The following GARIN5A variants were observed in gnomAD, a reference collection of about 807,000 sequenced individuals.
GARIN5A encodes golgi associated RAB2 interactor 5A, also known as Golgi-associated RAB2 interactor protein 5A.
chr19:50,473,420 G>C, the GARIN5A span, among the ~76,000 whole-genome samples: 1 of 151,964 alleles, frequency 6.6e-6, no homozygotes, highest in Non-Finnish European at 1.5e-5. Context: ...GCAGTGGTGT[G>C]ATCACAGTTC....
the GARIN5A span, chr19:50,476,734 G>C: frequency 2.1e-6 from 2 of 935,844 alleles, no homozygotes; most frequent in East Asian, 6.1e-5. Context: ...GTGAGTTACA[G>C]ACGGAAGGAG....
chr19:50,474,543 C>G, the GARIN5A span, among the ~76,000 whole-genome samples: 1 of 152,072 alleles, frequency 6.6e-6, no homozygotes, highest in Non-Finnish European at 1.5e-5. Context: ...GACGGGGTTT[C>G]ACTGTGTTAG....
chr19:50,472,136 ATGTATG>A, the GARIN5A span, among the ~76,000 whole-genome samples: 70 of 139,492 alleles, frequency 5.0e-4, no homozygotes, highest in African/African-American at 1.8e-3. Context: ...ACGTGTGTAT[ATGTATG>A]TATACGTGTG....
chr19:50,476,055 C>T, the GARIN5A span: 2 of 1,607,056 alleles, frequency 1.2e-6, no homozygotes, highest in Non-Finnish European at 1.7e-6. Flanking sequence ...ATCAGATGCC[C>T]CCGAATTGCC....
At chr19:50,475,768 C>G in the GARIN5A span, 1 of 1,204,390 alleles carries the variant, frequency 8.3e-7, no homozygotes, top group Non-Finnish European at 1.2e-6. Context: ...CAGGGGCTTT[C>G]CAAGTCAGGA....
the GARIN5A span, among the ~76,000 whole-genome samples, chr19:50,469,407 A>G: frequency 1.3e-5 from 2 of 152,126 alleles, no homozygotes; most frequent in African/African-American, 2.4e-5. Flanking sequence ...GGAGCCCCAC[A>G]GGCCTTGCCC....
At chr19:50,471,647 C>CGCATACATGCACGTGTATAT in the GARIN5A span, among the ~76,000 whole-genome samples, 2 of 118,988 alleles carry the variant, frequency 1.7e-5, no homozygotes, top group African/African-American at 6.6e-5. Context: ...TGTGTATATA[C>CGCATACATGCACGTGTATAT]GCATACATGC....
the GARIN5A span, among the ~76,000 whole-genome samples, chr19:50,471,860 A>ATG: frequency 5.0e-3 from 748 of 149,798 alleles, 10 homozygotes; most frequent in East Asian, 0.025. Context: ...GCATACATAC[A>ATG]TGTGTATATG....
chr19:50,472,817 G>A, the GARIN5A span, among the ~76,000 whole-genome samples: 299 of 152,220 alleles, frequency 2.0e-3, 1 homozygote, highest in African/African-American at 6.9e-3. Context: ...GATCGCTTGC[G>A]CCTGCAGAGA....
chr19:50,472,107 CGT>C, the GARIN5A span, among the ~76,000 whole-genome samples: 21 of 124,626 alleles, frequency 1.7e-4, no homozygotes, highest in African/African-American at 5.9e-4. Flanking sequence ...TGTATATATA[CGT>C]GTGTATATGT....
the GARIN5A span, among the ~76,000 whole-genome samples, chr19:50,472,242 A>G: frequency 1.5e-5 from 1 of 66,812 alleles, no homozygotes; most frequent in African/African-American, 8.2e-5. Context: ...GTATGTGTGT[A>G]TTATATATAC....
chr19:50,475,576 TG>T, the GARIN5A span: 1 of 943,190 alleles, frequency 1.1e-6, no homozygotes, highest in Non-Finnish European at 1.6e-6. Context: ...AAAATCAGGC[TG>T]GGGGCCAGAT....
the GARIN5A span, among the ~76,000 whole-genome samples, chr19:50,470,864 C>T: frequency 1.3e-5 from 2 of 151,826 alleles, no homozygotes; most frequent in African/African-American, 2.4e-5. Context: ...CTATGTTGGC[C>T]AGGTTGGTCT....
the GARIN5A span, chr19:50,476,624 G>A: frequency 2.6e-6 from 4 of 1,554,438 alleles, no homozygotes; most frequent in African/African-American, 2.7e-5. Context: ...CGAGCCCGGG[G>A]CAGCGGCTGC....
At chr19:50,476,797 C>A in the GARIN5A span, 1 of 587,914 alleles carries the variant, frequency 1.7e-6, no homozygotes, top group Admixed American at 3.6e-5. Flanking sequence ...AGCCAGGCCT[C>A]AGTCACGCAC....
chr19:50,476,506 G>A, the GARIN5A span: 5 of 1,571,174 alleles, frequency 3.2e-6, no homozygotes, highest in Non-Finnish European at 4.3e-6. Context: ...CGCGGCTCTT[G>A]GCTCACAGCC....
the GARIN5A span, chr19:50,476,739 A>C: frequency 2.2e-6 from 2 of 895,792 alleles, no homozygotes; most frequent in East Asian, 6.1e-5. Flanking sequence ...TTACAGACGG[A>C]AGGAGGCTGC....
the GARIN5A span, chr19:50,476,404 C>T: frequency 1.7e-5 from 26 of 1,549,608 alleles, no homozygotes; most frequent in Admixed American, 4.7e-4. Flanking sequence ...TGACGTCAGG[C>T]CCCAGGTGCG....
the GARIN5A span, among the ~76,000 whole-genome samples, chr19:50,471,818 GTGTGTATACGCATACATATC>G: frequency 7.0e-6 from 1 of 143,184 alleles, no homozygotes; most frequent in South Asian, 2.1e-4. Flanking sequence ...ATACATACCT[GTGTGTATACGCATACATATC>G]TGTGTGCATA....
Sources: allele counts gnomAD v4.1 joint callset (sites outside exome capture counted in the v4.1 genomes callset), GRCh38; gene constraint gnomAD v4.1.1; transcripts MANE v1.5; gene names NCBI Gene and HGNC (gene_info 2026-07-23, HGNC 2026-07-21).